The following USP2 variants were observed in gnomAD, a reference collection of about 807,000 sequenced individuals.
USP2 encodes ubiquitin carboxyl-terminal hydrolase 2.
Under a neutral mutation model 72.0 loss-of-function variants are expected in USP2, and 33 were observed. That is an observed-to-expected ratio of 0.46 (90% CI 0.35 to 0.61). The LOEUF (loss-of-function observed/expected upper bound fraction) is 0.61, where lower values mean the gene tolerates loss of function less well. Ranked by LOEUF, USP2 falls within the 20% of genes least tolerant of loss-of-function variation. USP2 has a pLI of 0.01. For synonymous variants in USP2, 296 were observed against 312.5 expected (o/e 0.95, Z 0.56); for missense variants, 691 against 797.8 (o/e 0.87, Z 1.61).
chr11:119,357,549 G>A lies in USP2; in HGVS notation c.1543C>T (p.Leu515Phe). ...AGGGGGAAGTTCACAAATGTTGTGA[G>A]CTTGCTGGTTCGGATCCTGGATTCT... Reference protein sequence around the residue: ...FSESRIRTSKLTTFVNFPLRD... With the variant: ...FSESRIRTSKFTTFVNFPLRD... The change falls in exon 11 of 13, where the codon CTC becomes TTC. Residue 515 changes from leucine to phenylalanine, a missense_variant. Leu to Phe is a conservative substitution (Grantham distance 22). Transcript: ENST00000260187. The A allele has an allele frequency of 6.2e-7, 1 of 1,614,172 alleles. No individual in the cohort carries two copies. Among genetic ancestry groups the A allele is most frequent in the African/African-American group, 1.3e-5 (1 of 75,058 alleles).
chr11:119,368,978 T>C (rs1436521762), intron 2 of USP2, among the ~76,000 whole-genome samples: 1 of 152,150 alleles, frequency 6.6e-6, no homozygotes, highest in Non-Finnish European at 1.5e-5. Flanking sequence ...TGGGAACAGC[T>C]CGTCCTTCCA....
At position 119,357,798 on chromosome 11, in the gene USP2, T is replaced by A; in HGVS notation, c.1460A>T (p.Lys487Met). Residue 487 changes from lysine to methionine, a missense_variant, in exon 10 of 13, where the codon AAG becomes ATG. Lys to Met is a moderately conservative substitution (Grantham distance 95). Coordinates refer to ENST00000260187, the MANE Select transcript of USP2 (RefSeq NM_004205.5). ...CRCRGRKRCI[K>M]KFSIQRFPKI... ...TGGGAACCTCTGGATGGAGAACTTCTTTATACACCGTTTTCTGCCTCGGCA... is the reference window on the plus strand; with the variant it reads ...TGGGAACCTCTGGATGGAGAACTTCATTATACACCGTTTTCTGCCTCGGCA... The A allele has an allele frequency of 6.2e-7, 1 of 1,614,058 alleles. No individual in the cohort carries two copies. Among genetic ancestry groups the A allele is most frequent in the Non-Finnish European group, 8.5e-7 (1 of 1,180,036 alleles).
intron 2 of USP2, chr11:119,363,932 C>T: frequency 1.5e-6 from 1 of 646,974 alleles, no homozygotes; most frequent in South Asian, 6.7e-5. Context: ...AGCTCCTTGG[C>T]GAGGGCGGGA....
chr11:119,368,631 C>T (rs542792608), intron 2 of USP2, among the ~76,000 whole-genome samples: 5 of 152,234 alleles, frequency 3.3e-5, no homozygotes, highest in Admixed American at 2.0e-4. Flanking sequence ...TTCAGTTTCC[C>T]AGACCTTTTG....
Position 119,360,246 on chromosome 11 carries a change from G to T in USP2, c.775-12C>A, listed in dbSNP as rs761829915. The T allele has an allele frequency of 1.2e-6, 2 of 1,613,852 alleles. No individual in the cohort carries two copies. The highest frequency in any genetic ancestry group is 2.2e-5 in the East Asian group (1 of 44,886). On this transcript the variant is annotated splice_polypyrimidine_tract_variant and intron_variant, in intron 2 of 12. Coordinates refer to ENST00000260187, the MANE Select transcript of USP2 (RefSeq NM_004205.5). ...GCACTCTTAGAATTCTGTAAGCAAA[G>T]AACATATGGCAATAAGGTGGAAGCA... is the stretch of plus-strand genomic sequence containing the variant.
chr11:119,370,123 C>T (rs776124903), intron 2 of USP2, among the ~76,000 whole-genome samples: 3 of 151,980 alleles, frequency 2.0e-5, no homozygotes, highest in African/African-American at 4.8e-5. Context: ...TGTAGTGAGC[C>T]GAGATCGCAC....
intron 2 of USP2, among the ~76,000 whole-genome samples, chr11:119,360,904 C>G (rs906938330): frequency 1.3e-5 from 2 of 152,156 alleles, no homozygotes; most frequent in African/African-American, 4.8e-5. Context: ...AATTTTGAGT[C>G]CCAAATCCAG....
intron 2 of USP2, among the ~76,000 whole-genome samples, chr11:119,369,206 C>T (rs766498311): frequency 2.6e-4 from 40 of 152,154 alleles, no homozygotes; most frequent in Non-Finnish European, 4.7e-4. Context: ...TGCTGAGCTG[C>T]GCCCCCCTGG....
At chr11:119,379,164 G>A (rs920638459) in intron 1 of USP2, 3 of 985,322 alleles carry the variant, frequency 3.0e-6, no homozygotes, top group East Asian at 1.1e-4. Context: ...ATCTGACCTC[G>A]CAGACTCGCA....
At chr11:119,368,657 C>T (rs1047011903) in intron 2 of USP2, among the ~76,000 whole-genome samples, 2 of 152,192 alleles carry the variant, frequency 1.3e-5, no homozygotes, top group Non-Finnish European at 2.9e-5. Context: ...AGAAACAGGT[C>T]CTAGAGCGGA....
At chr11:119,379,043 C>T in intron 1 of USP2, 1 of 985,550 alleles carries the variant, frequency 1.0e-6, no homozygotes, top group Non-Finnish European at 1.2e-6. Flanking sequence ...CTGGGGGCTT[C>T]TCCTTCCCCA....
In USP2 at chr11:119,355,644, C is replaced by T. The variant is rs991428808; in HGVS notation, c.*1191G>A. ...CCTGGGCATCCCTGAGAAACTCGGT[C>T]CAAAGGGCCTATTGTCTAGGAGGCT... On this transcript the variant is annotated 3_prime_UTR_variant, in exon 13 of 13. Transcript: ENST00000260187. 1.3e-5 allele frequency: 2 copies of T among 152,118 alleles called. No homozygotes were observed. The highest frequency in any genetic ancestry group is 2.9e-5 in the Non-Finnish European group (2 of 68,070). The allele number at this position is 152,118 out of a possible 1,614,324, so 9.4% of individuals were successfully genotyped here.
chr11:119,356,919 G>T lies in USP2; in HGVS notation c.1734C>A (p.Val578=). Residue 578 remains valine (V), a synonymous_variant, in exon 13 of 13, where the codon GTC becomes GTA. Transcript: ENST00000260187. The part of the protein sequence containing the change: ...GEWHTFNDSS[V]TPMSSSQVRT... ...GCACTTGGCTGGAGGACATGGGAGT[G>T]ACGCTGCGGAGAGAGCGGGGAGTCA... is the stretch of plus-strand genomic sequence containing the variant. 1.9e-6 allele frequency: 3 copies of T among 1,558,164 alleles called. No homozygotes were observed. Among genetic ancestry groups the T allele is most frequent in the Non-Finnish European group, 2.6e-6 (3 of 1,151,488 alleles).
chr11:119,361,861 C>G (rs1333214865), intron 2 of USP2, among the ~76,000 whole-genome samples: 1 of 152,106 alleles, frequency 6.6e-6, no homozygotes, highest in Non-Finnish European at 1.5e-5. Flanking sequence ...GTATATGGCC[C>G]CACACAACAT....
At chr11:119,370,042 G>T (rs1591329386) in intron 2 of USP2, among the ~76,000 whole-genome samples, 1 of 152,148 alleles carries the variant, frequency 6.6e-6, no homozygotes, top group East Asian at 1.9e-4. Context: ...TGGTGTGGTG[G>T]TACACGCCTG....
In USP2 at chr11:119,373,172, T is replaced by C; in HGVS notation, c.309A>G (p.Leu103=). Residue 103 remains leucine (L), a synonymous_variant, in exon 2 of 13, where the codon TTA becomes TTG. Coordinates refer to ENST00000260187, the MANE Select transcript of USP2 (RefSeq NM_004205.5). ...CGCTGCCCCCGCTGAGGCCACTGCC[T>C]AAAGGCCGCTCAGTACCCCGGGTCT... is the stretch of plus-strand genomic sequence containing the variant. ...ESQTRGTERP[L]GSGLSGGSGF... 6.2e-7 allele frequency: 1 copy of C among 1,614,094 alleles called. No individual in the cohort carries two copies. Among genetic ancestry groups the C allele is most frequent in the Non-Finnish European group, 8.5e-7 (1 of 1,179,992 alleles).
At chr11:119,378,692 TC>T (rs906525613) in intron 1 of USP2, among the ~76,000 whole-genome samples, 2 of 152,138 alleles carry the variant, frequency 1.3e-5, no homozygotes, top group African/African-American at 4.8e-5. Flanking sequence ...TGGGTGGGCA[TC>T]TATACACTTC....
At chr11:119,379,055 C>A in intron 1 of USP2, 2 of 985,586 alleles carry the variant, frequency 2.0e-6, no homozygotes, top group Non-Finnish European at 2.4e-6. Context: ...CCTTCCCCAG[C>A]AGGGCAGGGA....
At chr11:119,381,284 C>T (rs983816269) in intron 1 of USP2, among the ~76,000 whole-genome samples, 189 bp downstream of exon 1, 3 of 152,190 alleles carry the variant, frequency 2.0e-5, no homozygotes, top group Non-Finnish European at 4.4e-5. Context: ...TCCTGGCACC[C>T]TGGGCTGTCA....
Sources: gnomAD v4.1 joint callset for allele counts (sites outside exome capture counted in the v4.1 genomes callset) on GRCh38, gnomAD v4.1.1 for gene constraint, MANE v1.5 for transcripts, NCBI Gene and HGNC (gene_info 2026-07-23, HGNC 2026-07-21) for gene names.